Variants in CADPS observed in about 807,000 individuals in gnomAD.
CADPS encodes the protein calcium-dependent secretion activator 1.
In CADPS, 57 loss-of-function variants were observed where a neutral mutation model predicts 167.3. The ratio of observed to expected loss-of-function variants is 0.34; its 90% confidence interval spans 0.28 to 0.42. The LOEUF is 0.42. CADPS is among the 20% of genes least tolerant of loss of function. CADPS has a pLI of 1.00. For synonymous variants in CADPS, 676 were observed against 635.3 expected (o/e 1.06, Z -0.96); for missense variants, 1,414 against 1,738.1 (o/e 0.81, Z 3.32).
rs2083328125 is a variant in CADPS, at chr3:62,874,677, CTCT to C, written c.350_352del (p.Lys117del). On this transcript the variant is annotated inframe_deletion, in exon 1 of 30. Transcript: ENST00000383710. The surrounding 1 kb of genome is among the most constrained non-coding windows in gnomAD (Gnocchi z 7.1). ...CATCACGAACACATACAGCTGCAGC[CTCT>C]TCTTCCTCTCCTCCTCCTCTTTCTG... The C allele has an allele frequency of 5.1e-6, 8 of 1,555,174 alleles. No homozygotes were observed. The highest frequency in any genetic ancestry group is 7.0e-6 in the Non-Finnish European group (8 of 1,148,786).
rs187679207 is a variant in CADPS, at chr3:62,571,611, C to T, written c.1578-673G>A. Reference sequence around the variant, plus strand: ...CAGAGTTTCACTCTTGTTGCCCAGGCGGGAGTGCAATGGTGTGATCTCAGC... The same window carrying T: ...CAGAGTTTCACTCTTGTTGCCCAGGTGGGAGTGCAATGGTGTGATCTCAGC... On this transcript the variant is annotated intron_variant, in intron 8 of 29. Coordinates refer to ENST00000383710, the MANE Select transcript of CADPS (RefSeq NM_003716.4). 3.7e-3 allele frequency among the ~76,000 whole-genome samples: 565 copies of T among 151,246 alleles called. 5 individuals are homozygous for T. Among genetic ancestry groups the T allele is most frequent in the African/African-American group, 0.013 (529 of 41,132 alleles).
chr3:62,573,843 G>A (rs576911376), intron 8 of CADPS, among the ~76,000 whole-genome samples: 9 of 152,278 alleles, frequency 5.9e-5, no homozygotes, highest in African/African-American at 1.9e-4. Flanking sequence ...AAGGAACCCT[G>A]GTCCTGCTTT....
intron 28 of CADPS, among the ~76,000 whole-genome samples, chr3:62,414,794 G>C (rs370584429): frequency 6.6e-6 from 1 of 152,164 alleles, no homozygotes; most frequent in Admixed American, 6.5e-5. Flanking sequence ...AACTCTTCTC[G>C]GGCCTACCTG....
chr3:62,693,880 C>T (rs1428785008), intron 3 of CADPS, among the ~76,000 whole-genome samples: 3 of 151,948 alleles, frequency 2.0e-5, no homozygotes, highest in African/African-American at 2.4e-5. Context: ...TTTCATGATC[C>T]TATCTGCTAA....
intron 3 of CADPS, among the ~76,000 whole-genome samples, chr3:62,691,539 G>A (rs2079116240): frequency 6.6e-6 from 1 of 152,054 alleles, no homozygotes; most frequent in Non-Finnish European, 1.5e-5. Context: ...GTCAGTAATG[G>A]TGCTTCCTTT....
At chr3:62,406,326 C>T (rs763648829) in intron 28 of CADPS, among the ~76,000 whole-genome samples, 1 of 152,204 alleles carries the variant, frequency 6.6e-6, no homozygotes, top group African/African-American at 2.4e-5. Context: ...GGTTGTTCTG[C>T]TCTTCCTCAC....
intron 8 of CADPS, 69 bp downstream of exon 8, chr3:62,585,115 AT>A (rs1173283828): frequency 7.0e-7 from 1 of 1,433,104 alleles, no homozygotes; most frequent in African/African-American, 1.4e-5. Context: ...TCTTGTGTTT[AT>A]TTTTGTTTTC....
intron 27 of CADPS, among the ~76,000 whole-genome samples, chr3:62,445,412 A>G (rs1302944958): frequency 6.6e-6 from 1 of 152,204 alleles, no homozygotes; most frequent in Non-Finnish European, 1.5e-5. Context: ...GCAAGTTTCT[A>G]GCTTCATGGC....
At chr3:62,778,329 G>A (rs2090816665) in intron 1 of CADPS, among the ~76,000 whole-genome samples, 1 of 152,162 alleles carries the variant, frequency 6.6e-6, no homozygotes, top group Non-Finnish European at 1.5e-5. Flanking sequence ...GTTAACAATT[G>A]TTCAAATTTC....
intron 27 of CADPS, among the ~76,000 whole-genome samples, chr3:62,441,605 C>T: frequency 6.6e-6 from 1 of 152,216 alleles, no homozygotes. Flanking sequence ...AGGTGACTAA[C>T]TGCTAGTGCC....
chr3:62,535,893 A>G (rs2074595054), intron 12 of CADPS: 1 of 151,880 alleles, frequency 6.6e-6, no homozygotes, highest in Non-Finnish European at 1.5e-5. Flanking sequence ...CTAAAGCACC[A>G]TAAAAAATTC....
In CADPS at chr3:62,478,349, G is replaced by C. The variant is rs1239061728; in HGVS notation, c.3241C>G (p.Leu1081Val). 1 of 1,613,738 alleles carries C rather than the reference G, an allele frequency of 6.2e-7. No homozygotes were observed. The highest frequency in any genetic ancestry group is 8.5e-7 in the Non-Finnish European group (1 of 1,179,824). Reference protein sequence around the residue: ...LDALQTFIRDLHWPEEEFGKH... With the variant: ...LDALQTFIRDVHWPEEEFGKH... ...CCAAACTCTTCTTCAGGCCAGTGCAGGTCCCGAATGAAGGTCTGAAGGGCG... is the reference window on the plus strand; with the variant it reads ...CCAAACTCTTCTTCAGGCCAGTGCACGTCCCGAATGAAGGTCTGAAGGGCG... The change falls in exon 23 of 30, where the codon CTG (leucine) becomes GTG (valine). Residue 1081 changes from leucine (L) to valine (V), a missense_variant. By Grantham distance (32) the Leu-to-Val change is conservative (BLOSUM62 1). This residue lies in a region of CADPS where 529 missense variants were observed against 629.6 expected (regional missense o/e 0.84). Transcript: ENST00000383710. The surrounding 1 kb of genome is among the most constrained non-coding windows in gnomAD (Gnocchi z 5.7).
At chr3:62,697,039 C>G (rs995581588) in intron 3 of CADPS, among the ~76,000 whole-genome samples, 17 of 152,106 alleles carry the variant, frequency 1.1e-4, no homozygotes, top group Non-Finnish European at 1.9e-4. Flanking sequence ...TTTGGAGACA[C>G]AAAGACTTGA....
intron 26 of CADPS, among the ~76,000 whole-genome samples, chr3:62,448,581 C>T (rs9311839): frequency 0.22 from 32,980 of 151,598 alleles, 3,978 homozygotes; most frequent in Middle Eastern, 0.32. Flanking sequence ...TATTTAGAGA[C>T]ATGTGTGTAT....
intron 6 of CADPS, among the ~76,000 whole-genome samples, chr3:62,614,257 A>C (rs1275674188): frequency 6.6e-6 from 1 of 152,140 alleles, no homozygotes; most frequent in African/African-American, 2.4e-5. Context: ...AGGGAACTGA[A>C]GCTTAGGAAT....
intron 6 of CADPS, among the ~76,000 whole-genome samples, chr3:62,594,224 G>C (rs1232747244): frequency 5.1e-4 from 76 of 148,588 alleles, no homozygotes; most frequent in African/African-American, 1.8e-3. Flanking sequence ...TGCAGTGGCG[G>C]GATCTCGGCT....
chr3:62,424,435 G>A (rs759698524), intron 28 of CADPS, among the ~76,000 whole-genome samples: 6 of 151,952 alleles, frequency 3.9e-5, no homozygotes, highest in Non-Finnish European at 5.9e-5. Flanking sequence ...TGCCTGCCTC[G>A]GCCTCCCAAA....
At chr3:62,801,220 A>T (rs749630094) in intron 1 of CADPS, among the ~76,000 whole-genome samples, 2 of 152,180 alleles carry the variant, frequency 1.3e-5, no homozygotes, top group Non-Finnish European at 2.9e-5. Flanking sequence ...AGAACAGATG[A>T]TCTACTCCAT....
At position 62,874,941 on chromosome 3, in the gene CADPS, C is replaced by T. The variant is rs1358240148; in HGVS notation, c.89G>A (p.Gly30Asp). 2 of 1,529,014 alleles carry T rather than the reference C, an allele frequency of 1.3e-6. No individual in the cohort carries two copies. The highest frequency in any genetic ancestry group is 1.8e-6 in the Non-Finnish European group (2 of 1,141,644). 94.7% of individuals were successfully genotyped at this position (1,529,014 alleles called of 1,614,324 possible). ...GKEVLGSAPS[G>D]ARLSPSRTSE... is the part of the protein sequence containing the mutation. ...GGTACGGCTGGGAGACAGGCGCGCGCCGGACGGGGCCGAGCCGAGCACCTC... is the reference window on the plus strand; with the variant it reads ...GGTACGGCTGGGAGACAGGCGCGCGTCGGACGGGGCCGAGCCGAGCACCTC... The change falls in exon 1 of 30, where the codon GGC becomes GAC. Residue 30 changes from glycine (G) to aspartate (D), a missense_variant. By Grantham distance (94) the Gly-to-Asp change is moderately conservative. Coordinates refer to ENST00000383710, the MANE Select transcript of CADPS (RefSeq NM_003716.4). This position sits in a 1 kb window ranked among gnomAD's most constrained non-coding sequence, Gnocchi z 7.1.
Sources: allele counts gnomAD v4.1 joint callset (sites outside exome capture counted in the v4.1 genomes callset), GRCh38; gene constraint gnomAD v4.1.1; regional missense constraint gnomAD v4.1.1; non-coding constraint Gnocchi (gnomAD v3.1); transcripts MANE v1.5; gene names NCBI Gene and HGNC (gene_info 2026-07-23, HGNC 2026-07-21).